The following RERG variants were observed in gnomAD, a reference collection of about 807,000 sequenced individuals.
RERG encodes the protein ras-related and estrogen-regulated growth inhibitor.
Under a neutral mutation model 23.2 loss-of-function variants are expected in RERG, and 25 were observed. The observed-to-expected ratio is 1.08, with a 90% CI of 0.79 to 1.50. RERG has a LOEUF of 1.50. RERG is among the 40% of genes most tolerant of loss of function. RERG has a pLI of 0.00. For missense variants in RERG, 253 were observed against 250.1 expected (o/e 1.01, Z -0.08); for synonymous variants, 81 against 89.1 (o/e 0.91, Z 0.51).
At chr12:15,125,372 C>T (rs1047169723) in intron 2 of RERG, among the ~76,000 whole-genome samples, 4 of 151,954 alleles carry the variant, frequency 2.6e-5, no homozygotes, top group Non-Finnish European at 5.9e-5. Flanking sequence ...AGCTTAAAAA[C>T]TACATGAATA....
intron 2 of RERG, among the ~76,000 whole-genome samples, chr12:15,163,273 T>A (rs1355050896): frequency 1.3e-5 from 2 of 152,160 alleles, no homozygotes; most frequent in African/African-American, 4.8e-5. Context: ...GAAGAAGAGA[T>A]GAAGATTAAA....
intron 2 of RERG, among the ~76,000 whole-genome samples, chr12:15,121,606 A>G (rs1565508664): frequency 6.6e-6 from 1 of 152,258 alleles, no homozygotes; most frequent in Non-Finnish European, 1.5e-5. Flanking sequence ...GATTTTTATT[A>G]GAGATCTGTG....
At chr12:15,191,657 TG>T (rs1188121039) in intron 2 of RERG, among the ~76,000 whole-genome samples, 1 of 152,138 alleles carries the variant, frequency 6.6e-6, no homozygotes, top group Non-Finnish European at 1.5e-5. Flanking sequence ...AAAGGTTCCT[TG>T]TTTTCCCTTG....
chr12:15,148,803 T>C (rs965324604), intron 2 of RERG, among the ~76,000 whole-genome samples: 1 of 150,312 alleles, frequency 6.7e-6, no homozygotes, highest in Non-Finnish European at 1.5e-5. Context: ...CATCAATCAT[T>C]TGGGCAATAG....
intron 2 of RERG, among the ~76,000 whole-genome samples, chr12:15,140,152 A>C (rs886571036): frequency 3.3e-5 from 5 of 152,142 alleles, no homozygotes; most frequent in Non-Finnish European, 5.9e-5. Context: ...TAAGTTGATA[A>C]TATTAGGAGG....
Position 15,173,111 on chromosome 12 carries a change from C to T in RERG, c.61+44318G>A, listed in dbSNP as rs191684367. On this transcript the variant is annotated intron_variant, in intron 2 of 4. Coordinates refer to ENST00000256953, the MANE Select transcript of RERG (RefSeq NM_032918.3). Reference sequence around the variant, plus strand: ...ATTCTAAAAATTTATCATTGTAGCTCTTATTTTTAGGTCTATAATCCATTT... The same window carrying T: ...ATTCTAAAAATTTATCATTGTAGCTTTTATTTTTAGGTCTATAATCCATTT... Among the ~76,000 whole-genome samples the T allele has an allele frequency of 1.1e-4, 16 of 152,062 alleles. No homozygotes were observed. The East Asian group carries it at 2.5e-3, about 24-fold the overall frequency.
At chr12:15,110,645 A>AT (rs1167319384) in intron 4 of RERG, among the ~76,000 whole-genome samples, 2 of 151,138 alleles carry the variant, frequency 1.3e-5, no homozygotes, top group East Asian at 3.9e-4. Flanking sequence ...TGCCTGGCTA[A>AT]TTTTTTGTAT....
intron 4 of RERG, chr12:15,110,781 G>A (rs1379501660): frequency 6.6e-6 from 1 of 152,128 alleles, no homozygotes; most frequent in Admixed American, 6.6e-5. Context: ...CCCAGCCAGT[G>A]GTCATTTCTG....
chr12:15,133,132 G>A (rs1436916496), intron 2 of RERG, among the ~76,000 whole-genome samples: 1 of 113,958 alleles, frequency 8.8e-6, no homozygotes, highest in Non-Finnish European at 1.8e-5. Flanking sequence ...TCTTGGGGTT[G>A]TATATCCTGT....
chr12:15,217,336 C>G (rs916864065), intron 2 of RERG, 93 bp downstream of exon 2: 1 of 812,956 alleles, frequency 1.2e-6, no homozygotes, highest in Non-Finnish European at 2.1e-6. Context: ...AGGAGGAATA[C>G]CAACTACTCA....
At chr12:15,184,908 G>C (rs1276815213) in intron 2 of RERG, among the ~76,000 whole-genome samples, 1 of 152,142 alleles carries the variant, frequency 6.6e-6, no homozygotes, top group Non-Finnish European at 1.5e-5. Flanking sequence ...CTATTTTCCT[G>C]TAATTTTATT....
chr12:15,162,063 G>A (rs960781795), intron 2 of RERG, among the ~76,000 whole-genome samples: 2 of 152,176 alleles, frequency 1.3e-5, no homozygotes, highest in Admixed American at 6.5e-5. Flanking sequence ...TTTTCCCTGA[G>A]GAAGTGCTGT....
chr12:15,134,519 T>G (rs1316580758), intron 2 of RERG, among the ~76,000 whole-genome samples: 1 of 152,150 alleles, frequency 6.6e-6, no homozygotes, highest in African/African-American at 2.4e-5. Flanking sequence ...TGTAGCTTTA[T>G]AAAACTTGAA....
chr12:15,171,356 A>G lies in RERG; in HGVS notation c.61+46073T>C, dbSNP rs1214428356. 2.0e-5 allele frequency among the ~76,000 whole-genome samples: 3 copies of G among 152,356 alleles called. No individual in the cohort carries two copies. The East Asian group carries it at 5.8e-4, about 29-fold the overall frequency. On this transcript the variant is annotated intron_variant, in intron 2 of 4. Coordinates refer to ENST00000256953, the MANE Select transcript of RERG (RefSeq NM_032918.3). ...ATTTTAACTGAATGACTAATTGAAT[A>G]AATGATTTAATTAACACAAGGTGAG...
chr12:15,195,301 T>A (rs1176805752), intron 2 of RERG, among the ~76,000 whole-genome samples: 1 of 152,086 alleles, frequency 6.6e-6, no homozygotes, highest in African/African-American at 2.4e-5. Context: ...ACAAACCCTA[T>A]AAGACCATCC....
chr12:15,192,052 T>A (rs914172250), intron 2 of RERG, among the ~76,000 whole-genome samples: 2 of 152,156 alleles, frequency 1.3e-5, no homozygotes, highest in Non-Finnish European at 2.9e-5. Context: ...CATGTTGAAT[T>A]GTAATCCCCA....
intron 2 of RERG, among the ~76,000 whole-genome samples, chr12:15,209,953 T>C (rs946237655): frequency 1.5e-4 from 23 of 152,244 alleles, no homozygotes; most frequent in African/African-American, 5.1e-4. Flanking sequence ...TTTACATATT[T>C]GTTTATTCAT....
intron 2 of RERG, among the ~76,000 whole-genome samples, chr12:15,156,940 G>A (rs557036313): frequency 1.3e-5 from 2 of 152,264 alleles, no homozygotes; most frequent in African/African-American, 4.8e-5. Flanking sequence ...GGGATTAAAC[G>A]AGGTAATACA....
Position 15,109,016 on chromosome 12 carries a change from CCAAA to C in RERG, c.*90_*93del, listed in dbSNP as rs1241694944. The C allele has an allele frequency of 6.0e-5, 76 of 1,264,264 alleles. No homozygotes were observed. The Admixed American group carries it at 1.8e-3, about 29-fold the overall frequency. 78.3% of individuals were successfully genotyped at this position (1,264,264 alleles called of 1,614,324 possible). On this transcript the variant is annotated 3_prime_UTR_variant, in exon 5 of 5. Transcript: ENST00000256953. ...GGGAAGCCCAGACATTTCTCAGAAT[CCAAA>C]CAAAGAATGCAATATTTTGTTTTAT...
Sources: allele counts gnomAD v4.1 joint callset (sites outside exome capture counted in the v4.1 genomes callset), GRCh38; gene constraint gnomAD v4.1.1; transcripts MANE v1.5; gene names NCBI Gene and HGNC (gene_info 2026-07-23, HGNC 2026-07-21).